Variants in EIF3D observed in about 807,000 individuals in gnomAD.
The protein encoded by EIF3D is eIF3 p66.
Under a neutral mutation model 75.4 loss-of-function variants are expected in EIF3D, and 10 were observed. The observed-to-expected ratio is 0.13, with a 90% confidence interval of 0.08 to 0.22. EIF3D has a LOEUF of 0.22. EIF3D is among the 10% of genes least tolerant of loss of function. The pLI is 1.00. For missense variants in EIF3D, 394 were observed against 708.0 expected (o/e 0.56, Z 5.03); for synonymous variants, 246 against 248.3 (o/e 0.99, Z 0.09).
rs1934320617 is a variant in EIF3D, at chr22:36,510,855, G to C, written c.*132C>G. On this transcript the variant is annotated 3_prime_UTR_variant, in exon 15 of 15. Transcript: ENST00000216190. Reference sequence around the variant, plus strand: ...TCGTTAATGCAGGCAGACGATGAGGGAAAGACTAAACAGATATATATTTTA... The same window carrying C: ...TCGTTAATGCAGGCAGACGATGAGGCAAAGACTAAACAGATATATATTTTA... 1.0e-5 allele frequency: 11 copies of C among 1,100,132 alleles called. No individual in the cohort carries two copies. The highest frequency in any genetic ancestry group is 1.4e-5 in the Non-Finnish European group (11 of 804,238). 68.1% of individuals were successfully genotyped at this position (1,100,132 alleles called of 1,614,324 possible).
At chr22:36,526,993 G>C (rs1243408742) in intron 1 of EIF3D, 1 of 143,378 alleles carries the variant, frequency 7.0e-6, no homozygotes, top group Non-Finnish European at 1.5e-5. Context: ...TATGTATATA[G>C]AGTGCTGAGA....
chr22:36,524,874 TC>T, intron 3 of EIF3D, 142 bp from the exon 4 acceptor site: 1 of 978,274 alleles, frequency 1.0e-6, no homozygotes, highest in Non-Finnish European at 1.6e-6. Flanking sequence ...AGACTCACAG[TC>T]CCACCCCATA....
At chr22:36,516,260 C>T in intron 12 of EIF3D, 3 of 499,412 alleles carry the variant, frequency 6.0e-6, no homozygotes, top group Non-Finnish European at 1.0e-5. Context: ...CAGAAAAGTT[C>T]TTAACACTTA....
At chr22:36,513,824 A>G (rs1934379227) in intron 12 of EIF3D, among the ~76,000 whole-genome samples, 2 of 152,216 alleles carry the variant, frequency 1.3e-5, no homozygotes, top group African/African-American at 4.8e-5. Context: ...CTGAGTAGCT[A>G]GGACTATAGG....
chr22:36,522,846 G>A (rs1326413355), intron 6 of EIF3D, among the ~76,000 whole-genome samples: 4 of 152,164 alleles, frequency 2.6e-5, no homozygotes, highest in South Asian at 2.1e-4. Flanking sequence ...CCCTGCTCCC[G>A]CTTCTGCTTT....
chr22:36,518,738 G>T, intron 9 of EIF3D, 25 bp downstream of exon 9: 2 of 1,613,010 alleles, frequency 1.2e-6, no homozygotes, highest in Non-Finnish European at 8.5e-7. Flanking sequence ...ATGCCTTTGA[G>T]TTGCTCCCCA....
chr22:36,512,385 AGG>A (rs907952414), intron 13 of EIF3D, 73 bp downstream of exon 13: 14 of 1,560,828 alleles, frequency 9.0e-6, no homozygotes, highest in African/African-American at 1.4e-5. Context: ...GTACACGGGG[AGG>A]GGAGGGTCAA....
intron 3 of EIF3D, among the ~76,000 whole-genome samples, chr22:36,525,317 C>T (rs574612633): frequency 2.9e-4 from 42 of 144,532 alleles, no homozygotes; most frequent in African/African-American, 1.1e-3. Flanking sequence ...GATCTCTGCT[C>T]ACTGCAACCT....
At chr22:36,523,125 G>A (rs1446076868) in intron 6 of EIF3D, 84 bp downstream of exon 6, 3 of 1,089,670 alleles carry the variant, frequency 2.8e-6, no homozygotes, top group South Asian at 2.5e-5. Context: ...GGTATGTGAA[G>A]TATATCTCAT....
intron 6 of EIF3D, among the ~76,000 whole-genome samples, chr22:36,522,446 C>T (rs1447526833): frequency 1.3e-5 from 2 of 152,068 alleles, no homozygotes; most frequent in Non-Finnish European, 2.9e-5. Context: ...TACCACAGGC[C>T]GAATGTGGGA....
intron 14 of EIF3D, 63 bp downstream of exon 14, chr22:36,511,440 A>G: frequency 6.3e-7 from 1 of 1,591,872 alleles, no homozygotes; most frequent in South Asian, 1.1e-5. Flanking sequence ...CAATGGCTAC[A>G]GAGCTTGCTC....
chr22:36,517,654 G>C (rs573482133), intron 9 of EIF3D, among the ~76,000 whole-genome samples: 1 of 152,310 alleles, frequency 6.6e-6, no homozygotes, highest in Admixed American at 6.5e-5. Flanking sequence ...CAATCACACA[G>C]TAACGAAGCT....
chr22:36,517,105 T>C, intron 10 of EIF3D, among the ~76,000 whole-genome samples, 196 bp downstream of exon 10: 1 of 152,252 alleles, frequency 6.6e-6, no homozygotes, highest in East Asian at 1.9e-4. Flanking sequence ...ATCATTAAAT[T>C]CTGTAAGGGC....
intron 9 of EIF3D, among the ~76,000 whole-genome samples, chr22:36,518,481 T>C: frequency 7.1e-6 from 1 of 140,480 alleles, no homozygotes; most frequent in Non-Finnish European, 1.6e-5. Flanking sequence ...AGAGTGAGAC[T>C]CTCTGTCTCA....
rs1238091975 is a variant in EIF3D, at chr22:36,510,918, C to T, written c.*69G>A. 2.6e-6 allele frequency: 4 copies of T among 1,527,218 alleles called. No individual in the cohort carries two copies. The highest frequency in any genetic ancestry group is 3.5e-6 in the Non-Finnish European group (4 of 1,134,938). The allele number at this position is 1,527,218 out of a possible 1,614,324, so 94.6% of individuals were successfully genotyped here. On this transcript the variant is annotated 3_prime_UTR_variant, in exon 15 of 15. Coordinates refer to ENST00000216190, the MANE Select transcript of EIF3D (RefSeq NM_003753.4). ...AATGTCAGAGAGCAAGTTAGACACA[C>T]ATTCCACTAAGCATCAAAGGCCCTC...
intron 12 of EIF3D, chr22:36,512,856 C>T (rs1440131021): frequency 2.8e-5 from 11 of 388,794 alleles, no homozygotes; most frequent in African/African-American, 4.0e-5. Context: ...TGGACACACA[C>T]GGACACACAC....
chr22:36,511,775 C>T lies in EIF3D; in HGVS notation c.1361G>A (p.Arg454Gln), dbSNP rs773631633. ...GCGTGAGGAGTCTTTCACGTGGTACCGAGACACATAACTAACAGGGGAAGG... is the reference window on the plus strand; with the variant it reads ...GCGTGAGGAGTCTTTCACGTGGTACTGAGACACATAACTAACAGGGGAAGG... ...SEYLKLGYVSRYHVKDSSRHV... is the reference protein window; with the variant it reads ...SEYLKLGYVSQYHVKDSSRHV... The change falls in exon 14 of 15, where the codon CGG becomes CAG. Residue 454 changes from arginine to glutamine, a missense_variant. Transcript: ENST00000216190. 1.2e-6 allele frequency: 2 copies of T among 1,612,496 alleles called. No homozygotes were observed. The highest frequency in any genetic ancestry group is 1.7e-5 in the Admixed American group (1 of 59,946).
intron 1 of EIF3D, among the ~76,000 whole-genome samples, chr22:36,528,489 G>T (rs909095465): frequency 7.3e-5 from 11 of 150,954 alleles, no homozygotes; most frequent in African/African-American, 2.7e-4. Flanking sequence ...CGAAGTAACA[G>T]CTGTACTAGT....
chr22:36,522,727 C>T (rs1411734857), intron 6 of EIF3D, among the ~76,000 whole-genome samples: 2 of 152,112 alleles, frequency 1.3e-5, no homozygotes, highest in African/African-American at 4.8e-5. Flanking sequence ...GCGGCAGTGT[C>T]GGGAGGTAGG....
Sources: allele counts gnomAD v4.1 joint callset (sites outside exome capture counted in the v4.1 genomes callset), GRCh38; gene constraint gnomAD v4.1.1; transcripts MANE v1.5; gene names NCBI Gene and HGNC (gene_info 2026-07-23, HGNC 2026-07-21).